The following CNTNAP2 variants were observed in gnomAD, a reference collection of about 807,000 sequenced individuals.
The protein encoded by CNTNAP2 is contactin associated protein 2.
Under a neutral mutation model 155.2 loss-of-function variants are expected in CNTNAP2, and 98 were observed. That is an observed-to-expected ratio of 0.63 (90% CI 0.54 to 0.75). The LOEUF is 0.75. Among genes scored for constraint, CNTNAP2 ranks in the 30% least tolerant of loss-of-function variants. The pLI, the probability that CNTNAP2 is intolerant of heterozygous loss-of-function variation, is 0.00. For synonymous variants in CNTNAP2, 651 were observed against 631.2 expected (o/e 1.03, Z -0.47); for missense variants, 1,727 against 1,688.1 (o/e 1.02, Z -0.40).
chr7:147,769,849 C>T (rs1349480872), intron 13 of CNTNAP2, among the ~76,000 whole-genome samples: 2 of 152,050 alleles, frequency 1.3e-5, no homozygotes, highest in Admixed American at 6.6e-5. Context: ...GGCATAGTGT[C>T]CTCAGCTGCA....
chr7:146,969,460 A>G (rs1166787279), intron 3 of CNTNAP2, among the ~76,000 whole-genome samples: 6 of 151,866 alleles, frequency 4.0e-5, no homozygotes, highest in African/African-American at 4.8e-5. Context: ...CTCTTTGTAG[A>G]TCACTCAGGA....
At chr7:146,751,582 T>C (rs547957955) in intron 1 of CNTNAP2, among the ~76,000 whole-genome samples, 2 of 152,276 alleles carry the variant, frequency 1.3e-5, no homozygotes, top group African/African-American at 4.8e-5. Context: ...AAATCTTACA[T>C]TTTATCATGC....
chr7:148,254,666 C>T (rs1796429329), intron 20 of CNTNAP2, among the ~76,000 whole-genome samples: 1 of 151,562 alleles, frequency 6.6e-6, no homozygotes, highest in Non-Finnish European at 1.5e-5. Flanking sequence ...GTCCCAGCTA[C>T]TCAGGAGGCT....
chr7:147,827,948 A>G (rs1250322051), intron 13 of CNTNAP2, among the ~76,000 whole-genome samples: 1 of 152,222 alleles, frequency 6.6e-6, no homozygotes, highest in Admixed American at 6.5e-5. Context: ...AAAGAAAGCC[A>G]TTCTTCCTAT....
intron 15 of CNTNAP2, among the ~76,000 whole-genome samples, chr7:148,021,396 T>C (rs1452012377): frequency 6.6e-6 from 1 of 152,204 alleles, no homozygotes; most frequent in East Asian, 1.9e-4. Context: ...AGCTGCACTA[T>C]GCTGGAAGTC....
At chr7:147,090,059 G>A (rs912752837) in intron 4 of CNTNAP2, among the ~76,000 whole-genome samples, 2 of 152,070 alleles carry the variant, frequency 1.3e-5, no homozygotes, top group South Asian at 4.2e-4. Flanking sequence ...GCTACCTCAG[G>A]GAAGTCAGCA....
chr7:147,882,025 G>C (rs998073596), intron 13 of CNTNAP2, among the ~76,000 whole-genome samples: 1 of 151,724 alleles, frequency 6.6e-6, no homozygotes, highest in African/African-American at 2.4e-5. Context: ...ATGAAGAAAT[G>C]AGAAGAATAT....
intron 13 of CNTNAP2, among the ~76,000 whole-genome samples, chr7:147,877,861 A>G (rs1400835961): frequency 6.6e-6 from 1 of 152,230 alleles, no homozygotes; most frequent in East Asian, 1.9e-4. Flanking sequence ...TTTAAAAGAT[A>G]TTAAATCATT....
chr7:146,157,528 TC>T (rs1418091386), intron 1 of CNTNAP2, among the ~76,000 whole-genome samples: 14 of 152,102 alleles, frequency 9.2e-5, no homozygotes, highest in African/African-American at 3.4e-4. Context: ...ACTGGGACAC[TC>T]CCACTCTAAT....
At chr7:146,338,029 A>C (rs1327188891) in intron 1 of CNTNAP2, among the ~76,000 whole-genome samples, 1 of 152,168 alleles carries the variant, frequency 6.6e-6, no homozygotes, top group South Asian at 2.1e-4. Flanking sequence ...CACTGCAAAG[A>C]TGGCCTTTTC....
At chr7:146,355,913 C>T (rs1286954636) in intron 1 of CNTNAP2, among the ~76,000 whole-genome samples, 2 of 152,084 alleles carry the variant, frequency 1.3e-5, no homozygotes, top group Non-Finnish European at 2.9e-5. Context: ...CATCTTTGCA[C>T]ACTGTAGTGA....
intron 1 of CNTNAP2, among the ~76,000 whole-genome samples, chr7:146,583,316 C>T (rs573399345): frequency 6.6e-6 from 1 of 152,096 alleles, no homozygotes; most frequent in Non-Finnish European, 1.5e-5. Context: ...AAGCGAGGCA[C>T]AGTGGATGGA....
intron 18 of CNTNAP2, among the ~76,000 whole-genome samples, chr7:148,183,113 T>C (rs76160863): frequency 0.044 from 6,631 of 152,268 alleles, 272 homozygotes; most frequent in East Asian, 0.15. Flanking sequence ...AAGCAGTGGA[T>C]TGCCAGCAAG....
chr7:147,798,060 C>T (rs1036075903), intron 13 of CNTNAP2, among the ~76,000 whole-genome samples: 8 of 152,124 alleles, frequency 5.3e-5, no homozygotes, highest in East Asian at 1.9e-4. Context: ...ACTAAAAATG[C>T]GTTAGTAGGG....
intron 3 of CNTNAP2, among the ~76,000 whole-genome samples, chr7:147,014,670 C>A (rs1225844985): frequency 6.6e-6 from 1 of 152,076 alleles, no homozygotes; most frequent in African/African-American, 2.4e-5. Flanking sequence ...CATGCCAAAC[C>A]AAGTGGATTG....
intron 8 of CNTNAP2, among the ~76,000 whole-genome samples, chr7:147,283,219 A>G (rs1805085409): frequency 6.6e-6 from 1 of 151,882 alleles, no homozygotes; most frequent in South Asian, 2.1e-4. Flanking sequence ...AGGTATTTTT[A>G]TGTTGTACAT....
intron 10 of CNTNAP2, among the ~76,000 whole-genome samples, chr7:147,408,199 G>C (rs981742002): frequency 3.9e-5 from 6 of 152,114 alleles, no homozygotes; most frequent in Non-Finnish European, 7.4e-5. Context: ...CCATGGAATT[G>C]TTGGAAAAAA....
At chr7:147,868,512 AC>A (rs1416417909) in intron 13 of CNTNAP2, among the ~76,000 whole-genome samples, 2 of 152,216 alleles carry the variant, frequency 1.3e-5, no homozygotes, top group Admixed American at 1.3e-4. Context: ...GAGCTGTCAG[AC>A]AGGGATGTTT....
intron 4 of CNTNAP2, among the ~76,000 whole-genome samples, chr7:147,098,630 T>C (rs534628590): frequency 6.6e-6 from 1 of 152,286 alleles, no homozygotes; most frequent in South Asian, 2.1e-4. Context: ...TTCCTAGGCT[T>C]TTGTTTGATC....
Sources: allele counts gnomAD v4.1 joint callset (sites outside exome capture counted in the v4.1 genomes callset), GRCh38; gene constraint gnomAD v4.1.1; transcripts MANE v1.5; gene names NCBI Gene and HGNC (gene_info 2026-07-23, HGNC 2026-07-21).